The following TANGO6 variants were observed in gnomAD, a reference collection of about 807,000 sequenced individuals.
TANGO6 encodes the protein transport and golgi organization 6 homolog, also known as transport and Golgi organization protein 6 homolog.
In TANGO6, 90 loss-of-function variants were observed where a neutral mutation model predicts 114.2. The ratio of observed to expected loss-of-function variants is 0.79; its 90% confidence interval spans 0.66 to 0.94. TANGO6 has a LOEUF of 0.94. Ranked by LOEUF, TANGO6 falls within the 40% of genes least tolerant of loss-of-function variation. The probability of loss-of-function intolerance (pLI) is 0.00; values close to 1 mark genes in which losing one functional copy is unlikely to be tolerated. For synonymous variants in TANGO6, 477 were observed against 509.8 expected, an observed-to-expected ratio of 0.94 and a Z score of 0.87; for missense variants, 1,274 against 1,315.3, an observed-to-expected ratio of 0.97 and a Z score of 0.49.
intron 1 of TANGO6, 117 bp downstream of exon 1, chr16:68,843,828 C>T (rs916088826): frequency 2.0e-5 from 19 of 949,268 alleles, no homozygotes; most frequent in Non-Finnish European, 2.9e-5. Context: ...GGACCCTCCG[C>T]CCGCTGCTGG....
At chr16:68,899,938 GA>G (rs1350235216) in intron 7 of TANGO6, among the ~76,000 whole-genome samples, 1 of 152,142 alleles carries the variant, frequency 6.6e-6, no homozygotes, top group East Asian at 1.9e-4. Context: ...GAATTAGGGA[GA>G]ATAGGACATG....
intron 1 of TANGO6, among the ~76,000 whole-genome samples, chr16:68,852,041 A>G (rs1961910326): frequency 6.6e-6 from 1 of 152,232 alleles, no homozygotes; most frequent in Admixed American, 6.5e-5. Context: ...TGAACATGTC[A>G]TTAAATAATG....
rs1960048373 is a variant in TANGO6, at chr16:69,057,297, T to C, written c.3108+16876T>C. On this transcript the variant is annotated intron_variant, in intron 17 of 17. Transcript: ENST00000261778. ...TAAATTAAAACTACACAAAACACTT[T>C]TATTTAGGCATTTACTACATGACAG... 1.3e-5 allele frequency among the ~76,000 whole-genome samples: 2 copies of C among 152,142 alleles called. 1 individual carries two copies. The highest frequency in any genetic ancestry group is 4.1e-4 in the South Asian group (2 of 4,828).
intron 14 of TANGO6, among the ~76,000 whole-genome samples, chr16:68,963,067 C>G (rs186060004): frequency 3.5e-3 from 505 of 146,268 alleles, no homozygotes; most frequent in Middle Eastern, 0.011. Context: ...GTACTCCAGC[C>G]TGGGCGACAG....
At chr16:68,870,844 G>A (rs1158964315) in intron 4 of TANGO6, among the ~76,000 whole-genome samples, 1 of 149,680 alleles carries the variant, frequency 6.7e-6, no homozygotes, top group African/African-American at 2.5e-5. Context: ...TGTTGCCCAC[G>A]ATCTCGGCTC....
At chr16:68,860,615 T>G in intron 2 of TANGO6, 91 bp downstream of exon 2, 1 of 1,474,342 alleles carries the variant, frequency 6.8e-7, no homozygotes, top group African/African-American at 1.4e-5. Flanking sequence ...AAGGCAACTC[T>G]TAGTTCTTCA....
Position 68,860,354 on chromosome 16 carries a change from C to A in TANGO6, c.565C>A (p.Pro189Thr), listed in dbSNP as rs745830422. 4 of 1,613,852 alleles carry A rather than the reference C, an allele frequency of 2.5e-6. No individual in the cohort carries two copies. In the Admixed American group the frequency reaches 6.7e-5, roughly 27 times the overall value. Residue 189 changes from proline (P) to threonine (T), a missense_variant, in exon 2 of 18, where the codon CCC (proline) becomes ACC (threonine). This residue lies in a region of TANGO6 where 908 missense variants were observed against 910.2 expected (regional missense o/e 1.00). Transcript: ENST00000261778. ...VQDVVCFDAA[P>T]DATRRLYTSC... Reference sequence around the variant, plus strand: ...AGACGTGGTGTGTTTTGATGCTGCCCCCGATGCAACTCGAAGACTGTACAC... The same window carrying A: ...AGACGTGGTGTGTTTTGATGCTGCCACCGATGCAACTCGAAGACTGTACAC...
At chr16:69,025,657 C>G (rs1039139951) in intron 16 of TANGO6, among the ~76,000 whole-genome samples, 1 of 152,176 alleles carries the variant, frequency 6.6e-6, no homozygotes, top group African/African-American at 2.4e-5. Context: ...GGGCTTTAAA[C>G]TGCCTTCAGC....
At chr16:68,910,862 A>G (rs1962913176) in intron 11 of TANGO6, among the ~76,000 whole-genome samples, 1 of 151,816 alleles carries the variant, frequency 6.6e-6, no homozygotes, top group Non-Finnish European at 1.5e-5. Context: ...TTTTTAGTAG[A>G]GATGGGGTTT....
chr16:68,843,593 G>C lies in TANGO6; in HGVS notation c.-25G>C, dbSNP rs749825574. ...CCCTGCCGAGGCGCCTGAGCGGGTC[G>C]CGAGCGTGGTGTTACACTCCAGTCA... On this transcript the variant is annotated 5_prime_UTR_variant, in exon 1 of 18. Coordinates refer to ENST00000261778, the MANE Select transcript of TANGO6 (RefSeq NM_024562.2). 8 of 1,608,546 alleles carry C rather than the reference G, an allele frequency of 5.0e-6. No individual in the cohort carries two copies. The South Asian group carries it at 5.5e-5, about 11-fold the overall frequency.
chr16:68,962,784 A>G (rs1327443782), intron 14 of TANGO6, among the ~76,000 whole-genome samples: 1 of 151,832 alleles, frequency 6.6e-6, no homozygotes, highest in East Asian at 1.9e-4. Context: ...ATAATAAAAT[A>G]AAGAGTCAAA....
At chr16:68,986,326 G>A (rs1963889355) in intron 15 of TANGO6, among the ~76,000 whole-genome samples, 1 of 152,004 alleles carries the variant, frequency 6.6e-6, no homozygotes, top group African/African-American at 2.4e-5. Flanking sequence ...CGTATGCCAC[G>A]GTAAGTAGAG....
At chr16:68,891,063 G>C (rs1056619429) in intron 7 of TANGO6, among the ~76,000 whole-genome samples, 12 of 148,348 alleles carry the variant, frequency 8.1e-5, no homozygotes, top group Non-Finnish European at 1.5e-5. Context: ...AGGCCGAGGT[G>C]GGGGGATCGC....
chr16:68,977,905 C>T (rs1430816820), intron 15 of TANGO6, among the ~76,000 whole-genome samples: 3 of 152,056 alleles, frequency 2.0e-5, no homozygotes, highest in South Asian at 4.2e-4. Context: ...AGGCCGGTCT[C>T]GAACTCCTGA....
chr16:68,879,125 G>C (rs1261108656), intron 6 of TANGO6, among the ~76,000 whole-genome samples: 1 of 151,896 alleles, frequency 6.6e-6, no homozygotes, highest in African/African-American at 2.4e-5. Context: ...TAAATAGAAA[G>C]ACTTATTATA....
At chr16:69,007,130 G>C (rs1964098387) in intron 15 of TANGO6, 1 of 151,946 alleles carries the variant, frequency 6.6e-6, no homozygotes, top group Admixed American at 6.6e-5. Flanking sequence ...TTCCAATTTT[G>C]GTATATTTGC....
Position 68,974,135 on chromosome 16 carries a change from G to A in TANGO6, c.2809G>A (p.Gly937Arg), listed in dbSNP as rs1455815404. The change falls in exon 15 of 18, where the codon GGG (glycine) becomes AGG (arginine). Residue 937 changes from glycine to arginine, a missense_variant. Around this residue, in one of 5 missense-constraint regions of TANGO6, gnomAD observed 238 missense variants for 252.9 expected, o/e 0.94. Transcript: ENST00000261778. ...CACACCAGAGACCAGAATGAAAGTCGGGGAAGTCCTTATGCGAATCGTCAG... is the reference window on the plus strand; with the variant it reads ...CACACCAGAGACCAGAATGAAAGTCAGGGAAGTCCTTATGCGAATCGTCAG... Reference protein sequence around the residue: ...KHTPETRMKVGEVLMRIVRAL... With the variant: ...KHTPETRMKVREVLMRIVRAL... 2 of 1,613,792 alleles carry A rather than the reference G, an allele frequency of 1.2e-6. No homozygotes were observed. Among genetic ancestry groups the A allele is most frequent in the Non-Finnish European group, 1.7e-6 (2 of 1,179,872 alleles).
intron 14 of TANGO6, among the ~76,000 whole-genome samples, chr16:68,968,363 CT>C (rs778462725): frequency 1.9e-3 from 265 of 139,288 alleles, no homozygotes; most frequent in Middle Eastern, 3.6e-3. Flanking sequence ...CGCACCTGGC[CT>C]TTTTTTTTTT....
chr16:68,848,010 A>T (rs1283300960), intron 1 of TANGO6, among the ~76,000 whole-genome samples: 3 of 151,860 alleles, frequency 2.0e-5, no homozygotes, highest in African/African-American at 7.3e-5. Flanking sequence ...AAAAAAAAAA[A>T]AAAAAAAAAC....
Sources: allele counts gnomAD v4.1 joint callset (sites outside exome capture counted in the v4.1 genomes callset), GRCh38; gene constraint gnomAD v4.1.1; regional missense constraint gnomAD v4.1.1; transcripts MANE v1.5; gene names NCBI Gene and HGNC (gene_info 2026-07-23, HGNC 2026-07-21).